The following PCDHGB1 variants were observed in gnomAD, a reference collection of about 807,000 sequenced individuals.
PCDHGB1 encodes the protein protocadherin gamma subfamily B, 1, also known as protocadherin gamma-B1.
PCDHGB1 carries 34 observed loss-of-function variants against 56.6 expected under a neutral mutation model. The observed-to-expected ratio is 0.60, with a 90% CI of 0.46 to 0.80. The LOEUF (loss-of-function observed/expected upper bound fraction) is 0.80. Among genes scored for constraint, PCDHGB1 ranks in the 30% least tolerant of loss-of-function variants. The pLI is 0.00. For synonymous variants in PCDHGB1, 561 were observed against 505.9 expected, an observed-to-expected ratio of 1.11 and a Z score of -1.46; for missense variants, 1,278 against 1,204.6, an observed-to-expected ratio of 1.06 and a Z score of -0.90.
chr5:141,413,286 C>G, intron 1 of PCDHGB1: 1 of 1,613,968 alleles, frequency 6.2e-7, no homozygotes, highest in Non-Finnish European at 8.5e-7. Flanking sequence ...AGATCTCCTA[C>G]TCAATTCCTG....
chr5:141,464,200 G>C (rs1331779739), intron 1 of PCDHGB1, among the ~76,000 whole-genome samples: 1 of 149,856 alleles, frequency 6.7e-6, no homozygotes, highest in Non-Finnish European at 1.5e-5. Flanking sequence ...AGGAGGCGGA[G>C]ATTGCAGTGA....
intron 2 of PCDHGB1, 30 bp from the exon 3 acceptor site, chr5:141,505,361 AGT>A: frequency 6.2e-7 from 1 of 1,613,910 alleles, no homozygotes; most frequent in Non-Finnish European, 8.5e-7. Context: ...CCGGCCTGGG[AGT>A]CTGTGCTCAC....
intron 1 of PCDHGB1, among the ~76,000 whole-genome samples, chr5:141,484,207 A>G (rs898823095): frequency 2.6e-5 from 4 of 152,218 alleles, no homozygotes; most frequent in Non-Finnish European, 5.9e-5. Context: ...ATCTATGAAC[A>G]TTAGCATTCT....
At chr5:141,384,974 AC>A (rs1780722542) in intron 1 of PCDHGB1, 1 of 1,613,712 alleles carries the variant, frequency 6.2e-7, no homozygotes, top group Non-Finnish European at 8.5e-7. Context: ...CTCACGTTGT[AC>A]CTGGTGGTGG....
Position 141,350,392 on chromosome 5 carries a change from G to A in PCDHGB1, c.132G>A (p.Arg44=), listed in dbSNP as rs778408660. 91 of 1,598,620 alleles carry A rather than the reference G, an allele frequency of 5.7e-5. No homozygotes were observed. Among genetic ancestry groups the A allele is most frequent in the Non-Finnish European group, 7.4e-5 (86 of 1,170,046 alleles). ...CAGAGGAGCTAGCCAACGGCTCACG[G>A]GTGGGGAAACTTGCCAAGGATCTGG... ...TIPEELANGS[R]VGKLAKDLGL... is the part of the protein sequence containing the mutation. The change falls in exon 1 of 4, where the codon CGG becomes CGA. Residue 44 remains arginine (R), a synonymous_variant. Coordinates refer to ENST00000523390, the MANE Select transcript of PCDHGB1 (RefSeq NM_018922.3).
At position 141,399,337 on chromosome 5, in the gene PCDHGB1, GGAACCCTAGACC is replaced by G. The variant is rs754766358; in HGVS notation, c.2409+46671_2409+46682del. 29 of 1,613,990 alleles carry G rather than the reference GGAACCCTAGACC, an allele frequency of 1.8e-5. No individual in the cohort carries two copies. In the South Asian group the frequency reaches 3.1e-4, roughly 17 times the overall value. Reference sequence around the variant, plus strand: ...AAATTCGTATAAGTTGGTAACAGATGGAACCCTAGACCGAGAGCAAACCCCGGAGTACAATGT... The same window carrying G: ...AAATTCGTATAAGTTGGTAACAGATGGAGAGCAAACCCCGGAGTACAATGT... On this transcript the variant is annotated intron_variant, in intron 1 of 3. Transcript: ENST00000523390.
intron 1 of PCDHGB1, chr5:141,399,640 G>A: frequency 6.2e-7 from 1 of 1,613,836 alleles, no homozygotes; most frequent in Non-Finnish European, 8.5e-7. Flanking sequence ...GTCCATGAGC[G>A]CGCAAAGTGG....
chr5:141,478,323 G>A, intron 1 of PCDHGB1: 2 of 1,613,958 alleles, frequency 1.2e-6, no homozygotes, highest in Non-Finnish European at 8.5e-7. Flanking sequence ...TCACTGTACC[G>A]AACACCAGGG....
intron 1 of PCDHGB1, chr5:141,440,036 A>T (rs540100930): frequency 6.5e-6 from 1 of 153,058 alleles, no homozygotes; most frequent in Non-Finnish European, 1.5e-5. Context: ...TGTCGAGGAC[A>T]TGCCCACTTG....
In PCDHGB1 at chr5:141,486,913, G is replaced by A. The variant is rs2099636995; in HGVS notation, c.2410-7894G>A. ...CTGGTTCCTTATGTCCCCAAGCACT[G>A]CCTCCATCAGTTGGTGCTGGCCACC... On this transcript the variant is annotated intron_variant, in intron 1 of 3. Transcript: ENST00000523390. The surrounding 1 kb of genome is among the most constrained non-coding windows in gnomAD (Gnocchi z 5.0). The A allele has an allele frequency of 1.9e-6, 3 of 1,614,092 alleles. No individual in the cohort carries two copies. The highest frequency in any genetic ancestry group is 1.3e-5 in the African/African-American group (1 of 74,938).
At position 141,372,292 on chromosome 5, in the gene PCDHGB1, G is replaced by A. The variant is rs1768614066; in HGVS notation, c.2409+19623G>A. The A allele has an allele frequency of 4.3e-6, 7 of 1,613,164 alleles. No homozygotes were observed. The African/African-American group carries it at 5.3e-5, about 12-fold the overall frequency. ...GAGGTGCGCACGGCGCGTACCTTGGGCGACAGGGAGGCCGCCCGCCAGCGC... is the reference window on the plus strand; with the variant it reads ...GAGGTGCGCACGGCGCGTACCTTGGACGACAGGGAGGCCGCCCGCCAGCGC... On this transcript the variant is annotated intron_variant, in intron 1 of 3. Transcript: ENST00000523390.
chr5:141,492,296 G>GACGC lies in PCDHGB1; in HGVS notation c.2410-2500_2410-2497dup, dbSNP rs540417011. 9.7e-4 allele frequency among the ~76,000 whole-genome samples: 148 copies of GACGC among 152,328 alleles called. 2 individuals are homozygous for GACGC. In the South Asian group the frequency reaches 0.014, roughly 14 times the overall value. ...GCCACGCCCCGCCAACACGTGCGCGGACGCACGCACGCACTCCTCGCACGT... is the reference window on the plus strand; with the variant it reads ...GCCACGCCCCGCCAACACGTGCGCGGACGCACGCACGCACGCACTCCTCGCACGT... On this transcript the variant is annotated intron_variant, in intron 1 of 3. Transcript: ENST00000523390.
rs146719320 is a variant in PCDHGB1, at chr5:141,444,557, A to T, written c.2410-50250A>T. ...TGTGTCTAGTGAGCAAAAGGCACTTATTTGACACTTTTGACTCTTCCTTTC... is the reference window on the plus strand; with the variant it reads ...TGTGTCTAGTGAGCAAAAGGCACTTTTTTGACACTTTTGACTCTTCCTTTC... On this transcript the variant is annotated intron_variant, in intron 1 of 3. Transcript: ENST00000523390. Among the ~76,000 whole-genome samples, 1,352 of 152,248 alleles carry T rather than the reference A, an allele frequency of 8.9e-3. 18 individuals carry two copies. The highest frequency in any genetic ancestry group is 0.031 in the African/African-American group (1,277 of 41,558).
Position 141,438,591 on chromosome 5 carries a change from C to CAT in PCDHGB1, c.2410-56172_2410-56171dup, listed in dbSNP as rs946798767. On this transcript the variant is annotated intron_variant, in intron 1 of 3. Coordinates refer to ENST00000523390, the MANE Select transcript of PCDHGB1 (RefSeq NM_018922.3). ...TCTGATATACATACATACATACATA[C>CAT]ATATATATATATATATATATATATA... Among the ~76,000 whole-genome samples the CAT allele has an allele frequency of 6.3e-3, 476 of 75,268 alleles. 1 individual carries two copies. The highest frequency in any genetic ancestry group is 9.5e-3 in the Non-Finnish European group (352 of 37,106). 49.4% of individuals were successfully genotyped at this position (75,268 alleles called of 152,430 possible). A position where few individuals can be genotyped will look rare whatever the true frequency, so the allele number is the denominator to read the frequency against.
rs1221067458 is a variant in PCDHGB1 at position 141,491,658 on chromosome 5, C to T, written c.2410-3149C>T. The T allele has an allele frequency of 3.1e-6, 5 of 1,613,822 alleles. No individual in the cohort carries two copies. The highest frequency in any genetic ancestry group is 2.2e-5 in the South Asian group (2 of 91,088). Reference sequence around the variant, plus strand: ...CCACAGCTCTGGCGCTGGAGCCTGACGCCATCCGGTCCCGCTCTAATACGC... The same window carrying T: ...CCACAGCTCTGGCGCTGGAGCCTGATGCCATCCGGTCCCGCTCTAATACGC... On this transcript the variant is annotated intron_variant, in intron 1 of 3. Coordinates refer to ENST00000523390, the MANE Select transcript of PCDHGB1 (RefSeq NM_018922.3). The surrounding 1 kb of genome is among the most constrained non-coding windows in gnomAD (Gnocchi z 6.9).
intron 1 of PCDHGB1, chr5:141,423,757 G>A: frequency 5.1e-6 from 2 of 395,134 alleles, no homozygotes; most frequent in Non-Finnish European, 7.1e-6. Flanking sequence ...GTTTGGGGGG[G>A]GGGTGGGGCG....
At chr5:141,375,385 A>G in intron 1 of PCDHGB1, 3 of 1,614,012 alleles carry the variant, frequency 1.9e-6, no homozygotes, top group East Asian at 4.5e-5. Flanking sequence ...CTCTGTCTAC[A>G]GAAACAATCA....
chr5:141,456,087 C>T (rs1218579202), intron 1 of PCDHGB1, among the ~76,000 whole-genome samples: 1 of 151,886 alleles, frequency 6.6e-6, no homozygotes, highest in Non-Finnish European at 1.5e-5. Context: ...TCAGTAGAGA[C>T]GGGATTTCAC....
chr5:141,423,415 G>GA (rs750028507), intron 1 of PCDHGB1: 3 of 1,614,134 alleles, frequency 1.9e-6, no homozygotes, highest in Non-Finnish European at 2.5e-6. Context: ...GCAGGCTTCT[G>GA]AAGGCGGGTT....
Sources: allele counts gnomAD v4.1 joint callset (sites outside exome capture counted in the v4.1 genomes callset), GRCh38; gene constraint gnomAD v4.1.1; non-coding constraint Gnocchi (gnomAD v3.1); transcripts MANE v1.5; gene names NCBI Gene and HGNC (gene_info 2026-07-23, HGNC 2026-07-21).